The following CUL3 variants were observed in gnomAD, a reference collection of about 807,000 sequenced individuals.
CUL3 encodes the protein cullin 3, also known as cullin-3.
In CUL3, 19 loss-of-function variants were observed where a neutral mutation model predicts 89.1. The observed-to-expected ratio is 0.21, with a 90% confidence interval of 0.15 to 0.31. The LOEUF is 0.31. CUL3 is among the 10% of genes least tolerant of loss of function. The pLI, the probability that CUL3 is intolerant of heterozygous loss-of-function variation, is 1.00. For synonymous variants in CUL3, 351 were observed against 308.4 expected, an observed-to-expected ratio of 1.14 and a Z score of -1.45; for missense variants, 469 against 942.3, an observed-to-expected ratio of 0.50 and a Z score of 6.58.
intron 1 of CUL3, among the ~76,000 whole-genome samples, chr2:224,580,573 A>C (rs570161079): frequency 6.6e-6 from 1 of 152,306 alleles, no homozygotes; most frequent in East Asian, 1.9e-4. Context: ...AGTCCCAGCT[A>C]CTTGGGAGAC....
chr2:224,573,866 T>C (rs116486862), intron 1 of CUL3, among the ~76,000 whole-genome samples: 2,253 of 152,246 alleles, frequency 0.015, 57 homozygotes, highest in African/African-American at 0.051. Context: ...TTCAGATAAT[T>C]AGTTAAAAGT....
Position 224,503,709 on chromosome 2 carries a change from A to G in CUL3, c.1320T>C (p.Leu440=). Residue 440 remains leucine (L), a synonymous_variant, in exon 9 of 16, where the codon CTT becomes CTC. Coordinates refer to ENST00000264414, the MANE Select transcript of CUL3 (RefSeq NM_003590.5). ...CATCAGAAACACTTTTATTTGTGAG[A>G]AGTCTCCTTGCCAAGTGTTGTTTAT... is the stretch of plus-strand genomic sequence containing the variant. ...RYYKQHLARR[L]LTNKSVSDDS... is the part of the protein sequence containing the mutation. 2 of 1,604,544 alleles carry G rather than the reference A, an allele frequency of 1.2e-6. No individual in the cohort carries two copies. The highest frequency in any genetic ancestry group is 1.7e-6 in the Non-Finnish European group (2 of 1,177,552).
intron 1 of CUL3, among the ~76,000 whole-genome samples, chr2:224,559,367 T>G (rs1694832550): frequency 6.9e-6 from 1 of 145,970 alleles, no homozygotes; most frequent in Admixed American, 7.0e-5. Context: ...GGGAGGAGAA[T>G]CACTTGAGCC....
intron 1 of CUL3, among the ~76,000 whole-genome samples, chr2:224,571,459 C>A (rs79476590): frequency 6.6e-6 from 1 of 151,832 alleles, no homozygotes; most frequent in Non-Finnish European, 1.5e-5. Flanking sequence ...ATTGATTGTA[C>A]CTAAATCAAT....
At chr2:224,490,272 A>T (rs1008365687) in intron 13 of CUL3, among the ~76,000 whole-genome samples, 1 of 152,132 alleles carries the variant, frequency 6.6e-6, no homozygotes, top group African/African-American at 2.4e-5. Flanking sequence ...GAAAGTACTA[A>T]AAGTCTCTGA....
intron 2 of CUL3, among the ~76,000 whole-genome samples, chr2:224,553,819 C>T (rs1455711182): frequency 6.6e-6 from 1 of 152,140 alleles, no homozygotes; most frequent in African/African-American, 2.4e-5. Flanking sequence ...TTCTCACTTG[C>T]CAGAATGGTG....
At chr2:224,506,682 T>C (rs1374948319) in intron 7 of CUL3, among the ~76,000 whole-genome samples, 176 bp downstream of exon 7, 1 of 152,204 alleles carries the variant, frequency 6.6e-6, no homozygotes, top group East Asian at 1.9e-4. Flanking sequence ...AGCTCCCTGA[T>C]ATAAATACGC....
At chr2:224,576,718 G>A (rs562402011) in intron 1 of CUL3, among the ~76,000 whole-genome samples, 1 of 151,562 alleles carries the variant, frequency 6.6e-6, no homozygotes, top group Non-Finnish European at 1.5e-5. Flanking sequence ...GAGGAGAAAG[G>A]GAGGAAAGGA....
chr2:224,572,630 GAAAAAAAAAAA>G (rs67105454), intron 1 of CUL3, among the ~76,000 whole-genome samples: 18 of 86,286 alleles, frequency 2.1e-4, no homozygotes, highest in Non-Finnish European at 2.9e-4. Flanking sequence ...GAGAGTGAGA[GAAAAAAAAAAA>G]AAAAAAAAAA....
At chr2:224,573,554 C>T (rs1695232856) in intron 1 of CUL3, among the ~76,000 whole-genome samples, 2 of 152,176 alleles carry the variant, frequency 1.3e-5, no homozygotes, top group Admixed American at 6.5e-5. Flanking sequence ...CTTACGAAGG[C>T]TTCTTCCAAC....
chr2:224,482,057 T>C lies in CUL3; in HGVS notation c.1864A>G (p.Ile622Val). 1 of 1,598,668 alleles carries C rather than the reference T, an allele frequency of 6.3e-7. No individual in the cohort carries two copies. Among genetic ancestry groups the C allele is most frequent in the Admixed American group, 1.8e-5 (1 of 57,018 alleles). The change falls in exon 14 of 16, where the codon ATC becomes GTC. Residue 622 changes from isoleucine to valine, a missense_variant. Physicochemically the swap from Ile to Val is conservative, Grantham distance 29. Transcript: ENST00000264414. ...GCTCTAACAAGCTCTCTTTCAGGGA[T>C]ATCTGTCTCTTGCTGAATTTCCTGA... ...TFEEIQQETDIPERELVRALQ... is the reference protein window; with the variant it reads ...TFEEIQQETDVPERELVRALQ...
Position 224,470,655 on chromosome 2 carries a change from A to G in CUL3, c.*3590T>C. 4.3e-6 allele frequency: 1 copy of G among 231,858 alleles called. No individual in the cohort carries two copies. The highest frequency in any genetic ancestry group is 8.5e-6 in the Non-Finnish European group (1 of 117,204). 14.4% of individuals were successfully genotyped at this position (231,858 alleles called of 1,614,324 possible). On this transcript the variant is annotated 3_prime_UTR_variant, in exon 16 of 16. Transcript: ENST00000264414. Reference sequence around the variant, plus strand: ...AAAACTTTCTCTAAGATTGTAGGAGACAAAGCGCCTATTTTCTTTTCAATG... The same window carrying G: ...AAAACTTTCTCTAAGATTGTAGGAGGCAAAGCGCCTATTTTCTTTTCAATG...
intron 2 of CUL3, among the ~76,000 whole-genome samples, chr2:224,551,907 C>T (rs1694528827): frequency 6.6e-6 from 1 of 152,208 alleles, no homozygotes; most frequent in African/African-American, 2.4e-5. Flanking sequence ...ACTATCACTT[C>T]CTCAAACAGC....
intron 5 of CUL3, 152 bp from the exon 6 acceptor site, chr2:224,511,734 T>TA: frequency 1.8e-6 from 1 of 550,042 alleles, no homozygotes; most frequent in Non-Finnish European, 3.1e-6. Flanking sequence ...GAAAGACTGA[T>TA]ATAGTCTGAA....
At chr2:224,542,557 G>C (rs556256157) in intron 2 of CUL3, among the ~76,000 whole-genome samples, 1 of 97,020 alleles carries the variant, frequency 1.0e-5, no homozygotes, top group East Asian at 3.7e-4. Flanking sequence ...GTGCGTGTGC[G>C]TGTGTGTGTG....
rs1692447327 is a variant in CUL3 at position 224,502,925 on chromosome 2, T to C, written c.1485+40A>G. ...GAAAATATACCCATTACAAAAGACT[T>C]TACATGAATATCTAAGTAGAAATTA... On this transcript the variant is annotated intron_variant, in intron 10 of 15. Coordinates refer to ENST00000264414, the MANE Select transcript of CUL3 (RefSeq NM_003590.5). 5 of 1,423,280 alleles carry C rather than the reference T, an allele frequency of 3.5e-6. No homozygotes were observed. The East Asian group carries it at 1.1e-4, about 32-fold the overall frequency. 88.2% of individuals were successfully genotyped at this position (1,423,280 alleles called of 1,614,324 possible).
At chr2:224,509,788 A>G (rs1692745283) in intron 6 of CUL3, among the ~76,000 whole-genome samples, 1 of 152,232 alleles carries the variant, frequency 6.6e-6, no homozygotes, top group Non-Finnish European at 1.5e-5. Context: ...TTCAATACCT[A>G]AACAGTACAT....
In CUL3 at chr2:224,522,555, C is replaced by T. The variant is rs554530160; in HGVS notation, c.379-7783G>A. On this transcript the variant is annotated intron_variant, in intron 3 of 15. Coordinates refer to ENST00000264414, the MANE Select transcript of CUL3 (RefSeq NM_003590.5). ...ACTACTAAAAAGCTCAGAGTTTCCA[C>T]CACAGTAAAAATTTTCTTAAAATCT... is the stretch of plus-strand genomic sequence containing the variant. Among the ~76,000 whole-genome samples the T allele has an allele frequency of 2.6e-5, 4 of 152,308 alleles. No homozygotes were observed. In the South Asian group the frequency reaches 8.3e-4, roughly 32 times the overall value.
chr2:224,550,422 T>G (rs61494886), intron 2 of CUL3, among the ~76,000 whole-genome samples: 2,340 of 152,308 alleles, frequency 0.015, 65 homozygotes, highest in African/African-American at 0.054. Flanking sequence ...TTTTGAAGCA[T>G]TCTGAATTTT....
Sources: gnomAD v4.1 joint callset for allele counts (sites outside exome capture counted in the v4.1 genomes callset) on GRCh38, gnomAD v4.1.1 for gene constraint, MANE v1.5 for transcripts, NCBI Gene and HGNC (gene_info 2026-07-23, HGNC 2026-07-21) for gene names.